The following SVOP variants were observed in gnomAD, a reference collection of about 807,000 sequenced individuals.
SVOP encodes SV2 related protein, also known as synaptic vesicle 2-related protein.
Under a neutral mutation model 69.1 loss-of-function variants are expected in SVOP, and 17 were observed. The ratio of observed to expected loss-of-function variants is 0.25; its 90% CI spans 0.17 to 0.37. SVOP has a LOEUF of 0.37. SVOP is among the 10% of genes least tolerant of loss of function. SVOP has a pLI of 1.00. For synonymous variants in SVOP, 238 were observed against 238.6 expected, an observed-to-expected ratio of 1.00 and a Z score of 0.02; for missense variants, 435 against 597.5, an observed-to-expected ratio of 0.73 and a Z score of 2.84.
At chr12:108,929,560 T>C (rs142715297) in intron 11 of SVOP, among the ~76,000 whole-genome samples, 2,472 of 152,218 alleles carry the variant, frequency 0.016, 41 homozygotes, top group Middle Eastern at 0.082. Context: ...CCTCCCACTT[T>C]TGCCTCCCAA....
chr12:108,944,757 A>G (rs1419312851), intron 7 of SVOP, among the ~76,000 whole-genome samples: 1 of 152,140 alleles, frequency 6.6e-6, no homozygotes, highest in Non-Finnish European at 1.5e-5. Flanking sequence ...GTGGGTGATG[A>G]TATGAGTGTG....
At chr12:108,997,709 C>T (rs547015563) in intron 1 of SVOP, among the ~76,000 whole-genome samples, 1 of 151,072 alleles carries the variant, frequency 6.6e-6, no homozygotes, top group Non-Finnish European at 1.5e-5. Flanking sequence ...ACACTGACAA[C>T]TCACAAGGCA....
At chr12:108,968,857 G>A (rs150332949) in intron 5 of SVOP, among the ~76,000 whole-genome samples, 108 of 152,138 alleles carry the variant, frequency 7.1e-4, no homozygotes, top group African/African-American at 2.6e-3. Context: ...GTAGTGGCAT[G>A]ATCTCGGCTC....
chr12:108,983,494 CT>C (rs1244009884), intron 2 of SVOP, 106 bp downstream of exon 2: 2 of 398,238 alleles, frequency 5.0e-6, no homozygotes, highest in African/African-American at 4.1e-5. Flanking sequence ...CCTTGGCCCC[CT>C]GGGCCCTCCC....
chr12:108,928,073 T>C (rs1383680667), intron 11 of SVOP, among the ~76,000 whole-genome samples: 1 of 151,762 alleles, frequency 6.6e-6, no homozygotes, highest in Non-Finnish European at 1.5e-5. Flanking sequence ...GCCTGGCTAC[T>C]TTTTGTATTT....
At chr12:108,920,228 A>G (rs2039740198) in intron 12 of SVOP, among the ~76,000 whole-genome samples, 1 of 152,206 alleles carries the variant, frequency 6.6e-6, no homozygotes, top group African/African-American at 2.4e-5. Context: ...AGCCACATGA[A>G]ATATGCTGAA....
chr12:108,928,352 A>T (rs572925683), intron 11 of SVOP, among the ~76,000 whole-genome samples: 1 of 152,122 alleles, frequency 6.6e-6, no homozygotes, highest in South Asian at 2.1e-4. Flanking sequence ...CACACCTTTG[A>T]TATTTTTGAT....
intron 6 of SVOP, among the ~76,000 whole-genome samples, chr12:108,955,745 C>G (rs1296213501): frequency 6.6e-6 from 1 of 152,230 alleles, no homozygotes; most frequent in Non-Finnish European, 1.5e-5. Context: ...CTTGCCAAAG[C>G]CTTCAGCAGA....
intron 1 of SVOP, among the ~76,000 whole-genome samples, chr12:108,998,821 T>C (rs1428447971): frequency 1.3e-5 from 2 of 150,758 alleles, no homozygotes; most frequent in African/African-American, 4.9e-5. Context: ...GCGCTAAACA[T>C]GGAAAGGAAC....
At chr12:108,927,916 T>C (rs1289057801) in intron 11 of SVOP, among the ~76,000 whole-genome samples, 1 of 150,120 alleles carries the variant, frequency 6.7e-6, no homozygotes, top group African/African-American at 2.5e-5. Flanking sequence ...TCTTTTTTTT[T>C]TTTTTTTGAG....
At chr12:108,942,395 A>G (rs916343763) in intron 7 of SVOP, among the ~76,000 whole-genome samples, 9 of 151,808 alleles carry the variant, frequency 5.9e-5, no homozygotes, top group Non-Finnish European at 1.5e-5. Context: ...CAGAATTGCC[A>G]CTTCTCGATG....
intron 1 of SVOP, among the ~76,000 whole-genome samples, chr12:108,991,827 T>C (rs36140900): frequency 0.89 from 134,757 of 151,546 alleles, 61,020 homozygotes; most frequent in Non-Finnish European, 0.99. Context: ...ATACTTGTGG[T>C]CTTGGCTACT....
At chr12:108,931,311 T>C (rs1294758401) in intron 11 of SVOP, among the ~76,000 whole-genome samples, 1 of 152,242 alleles carries the variant, frequency 6.6e-6, no homozygotes, top group Non-Finnish European at 1.5e-5. Flanking sequence ...TCTTTTATCC[T>C]CTAACCTGAG....
chr12:108,972,360 A>C, intron 5 of SVOP, 45 bp downstream of exon 5: 1 of 1,529,836 alleles, frequency 6.5e-7, no homozygotes, highest in Non-Finnish European at 8.8e-7. Context: ...ACCATCACCA[A>C]GACAACCCAG....
rs1238095524 is a variant in SVOP at position 109,020,857 on chromosome 12, G to C, written c.12C>G (p.Asp4Glu). 1 of 703,322 alleles carries C rather than the reference G, an allele frequency of 1.4e-6. No homozygotes were observed. 43.6% of individuals were successfully genotyped at this position (703,322 alleles called of 1,614,324 possible). ...ACGGCAGCTGCCTTAGCTGGAATAA[G>C]TCCTCCTCCATGTCCGCGCTGCGCC... MEE[D>E]LFQLRQLPVV... is the part of the protein sequence containing the mutation. Residue 4 changes from aspartate (D) to glutamate (E), a missense_variant, in exon 1 of 16, where the codon GAC (aspartate) becomes GAG (glutamate). Coordinates refer to ENST00000610966, the MANE Select transcript of SVOP (RefSeq NM_018711.5).
intron 5 of SVOP, among the ~76,000 whole-genome samples, chr12:108,968,872 C>T (rs1016789340): frequency 6.6e-6 from 1 of 151,900 alleles, no homozygotes; most frequent in Non-Finnish European, 1.5e-5. Flanking sequence ...CGGCTCACTG[C>T]AGCCTCCCCA....
At chr12:108,954,113 CAAAAAAAAAAA>C (rs760331681) in intron 6 of SVOP, among the ~76,000 whole-genome samples, 1 of 61,992 alleles carries the variant, frequency 1.6e-5, no homozygotes, top group Non-Finnish European at 3.3e-5. Flanking sequence ...GAATCTGTCT[CAAAAAAAAAAA>C]AAAAAAAAAA....
At chr12:108,955,865 T>C (rs1180582793) in intron 6 of SVOP, among the ~76,000 whole-genome samples, 2 of 152,232 alleles carry the variant, frequency 1.3e-5, no homozygotes, top group Non-Finnish European at 2.9e-5. Context: ...GGTGGGGATG[T>C]TGTTGTTCCA....
At chr12:108,955,633 C>A (rs1357141797) in intron 6 of SVOP, among the ~76,000 whole-genome samples, 3 of 152,192 alleles carry the variant, frequency 2.0e-5, no homozygotes. Flanking sequence ...GCTCATGTGT[C>A]AAATCCATGT....
Sources: gnomAD v4.1 joint callset for allele counts (sites outside exome capture counted in the v4.1 genomes callset) on GRCh38, gnomAD v4.1.1 for gene constraint, MANE v1.5 for transcripts, NCBI Gene and HGNC (gene_info 2026-07-23, HGNC 2026-07-21) for gene names.